The following ZSCAN2 variants were observed in gnomAD, a reference collection of about 807,000 sequenced individuals.
ZSCAN2 encodes the protein zinc finger and SCAN domain containing 2.
ZSCAN2 carries 26 observed loss-of-function variants against 47.8 expected under a neutral mutation model. That is an observed-to-expected ratio of 0.54 (90% CI 0.40 to 0.75). The LOEUF (loss-of-function observed/expected upper bound fraction) is 0.75. Among genes scored for constraint, ZSCAN2 ranks in the 30% least tolerant of loss-of-function variants. ZSCAN2 has a pLI of 0.00. For synonymous variants in ZSCAN2, 305 were observed against 288.7 expected, an observed-to-expected ratio of 1.06 and a Z score of -0.57; for missense variants, 732 against 785.4, an observed-to-expected ratio of 0.93 and a Z score of 0.81.
intron 2 of ZSCAN2, among the ~76,000 whole-genome samples, chr15:84,604,753 T>G (rs1895327280): frequency 6.7e-6 from 1 of 149,994 alleles, no homozygotes; most frequent in South Asian, 2.1e-4. Context: ...TTTTTTTTTT[T>G]TTGAAACGGA....
rs761644924 is a variant in ZSCAN2, at chr15:84,621,769, C to T, written c.1574C>T (p.Thr525Met). 2.4e-5 allele frequency: 38 copies of T among 1,614,096 alleles called. No homozygotes were observed. Among genetic ancestry groups the T allele is most frequent in the East Asian group, 4.5e-5 (2 of 44,894 alleles). ...CTCGTAGTGCACCAGCGGACCCACACGGGCGAGAAGCCCTACAAATGCCTC... is the reference window on the plus strand; with the variant it reads ...CTCGTAGTGCACCAGCGGACCCACATGGGCGAGAAGCCCTACAAATGCCTC... ...SQLVVHQRTH[T>M]GEKPYKCLMC... The change falls in exon 3 of 3, where the codon ACG (threonine) becomes ATG (methionine). Residue 525 changes from threonine (T) to methionine (M), a missense_variant. Around this residue, in one of 2 missense-constraint regions of ZSCAN2, gnomAD observed 412 missense variants for 498.0 expected, o/e 0.83. Transcript: ENST00000546148. The surrounding 1 kb of genome is among the most constrained non-coding windows in gnomAD (Gnocchi z 5.7).
At chr15:84,613,234 A>G (rs1895603257) in intron 2 of ZSCAN2, among the ~76,000 whole-genome samples, 1 of 152,146 alleles carries the variant, frequency 6.6e-6, no homozygotes, top group South Asian at 2.1e-4. Context: ...CTGAACTTAC[A>G]TATCTATTGA....
chr15:84,613,995 T>TTC (rs1895626099), intron 2 of ZSCAN2, among the ~76,000 whole-genome samples: 2 of 131,832 alleles, frequency 1.5e-5, no homozygotes, highest in Admixed American at 7.6e-5. Flanking sequence ...TTTTTTTTTT[T>TTC]TTTTTTTTTT....
At chr15:84,620,524 A>C (rs953097783) in intron 2 of ZSCAN2, 78 bp from the exon 3 acceptor site, 3 of 1,309,868 alleles carry the variant, frequency 2.3e-6, no homozygotes, top group Middle Eastern at 1.9e-4. Context: ...TAATTTTTAT[A>C]AATTTCCCCC....
intron 2 of ZSCAN2, among the ~76,000 whole-genome samples, chr15:84,617,438 AAAAG>A (rs1306514443): frequency 6.6e-6 from 1 of 152,196 alleles, no homozygotes; most frequent in Non-Finnish European, 1.5e-5. Flanking sequence ...TCCAAAAAAA[AAAAG>A]ACTGTCTTGC....
rs200037418 is a variant in ZSCAN2, at chr15:84,621,711, G to A, written c.1516G>A (p.Glu506Lys). 3.5e-4 allele frequency: 569 copies of A among 1,614,138 alleles called. 1 individual carries two copies. The highest frequency in any genetic ancestry group is 1.2e-3 in the Middle Eastern group (7 of 6,062). Reference protein sequence around the residue: ...HTGEKPYKCSECGKCFSQRSQ... With the variant: ...HTGEKPYKCSKCGKCFSQRSQ... ...GGGAGAGAAACCCTACAAATGCAGC[G>A]AGTGTGGGAAATGCTTCAGCCAGCG... is the stretch of plus-strand genomic sequence containing the variant. The change falls in exon 3 of 3, where the codon GAG becomes AAG. Residue 506 changes from glutamate (E) to lysine (K), a missense_variant. Glu to Lys is a moderately conservative substitution (Grantham distance 56). Coordinates refer to ENST00000546148, the MANE Select transcript of ZSCAN2 (RefSeq NM_181877.4). This position sits in a 1 kb window ranked among gnomAD's most constrained non-coding sequence, Gnocchi z 5.7.
intron 2 of ZSCAN2, among the ~76,000 whole-genome samples, chr15:84,607,579 G>T (rs1025140450): frequency 2.6e-5 from 4 of 152,058 alleles, no homozygotes; most frequent in Non-Finnish European, 5.9e-5. Context: ...TGCCATCTGG[G>T]CTCACTGCAA....
At chr15:84,602,946 C>A (rs1895256932) in intron 1 of ZSCAN2, among the ~76,000 whole-genome samples, 2 of 152,204 alleles carry the variant, frequency 1.3e-5, no homozygotes, top group South Asian at 4.1e-4. Context: ...CCATTCCCTG[C>A]TGCTGGATTT....
chr15:84,614,426 A>G (rs116861726), intron 2 of ZSCAN2: 3,690 of 152,188 alleles, frequency 0.024, 65 homozygotes, highest in Non-Finnish European at 0.037. Flanking sequence ...TCCCAACCCC[A>G]GTTTTGGTTA....
At chr15:84,608,833 G>A (rs1406431721) in intron 2 of ZSCAN2, among the ~76,000 whole-genome samples, 1 of 152,176 alleles carries the variant, frequency 6.6e-6, no homozygotes, top group African/African-American at 2.4e-5. Context: ...TGGTCAGTGG[G>A]CCAGCAGCAT....
chr15:84,608,725 G>T (rs1362115735), intron 2 of ZSCAN2, among the ~76,000 whole-genome samples: 1 of 151,972 alleles, frequency 6.6e-6, no homozygotes, highest in Non-Finnish European at 1.5e-5. Flanking sequence ...ATTGGTATGG[G>T]GTATGGCCTG....
intron 2 of ZSCAN2, among the ~76,000 whole-genome samples, chr15:84,618,804 T>C (rs1378153494): frequency 6.6e-6 from 1 of 152,094 alleles, no homozygotes; most frequent in African/African-American, 2.4e-5. Context: ...TCTCAGATAA[T>C]CTACCCACCT....
intron 2 of ZSCAN2, 118 bp downstream of exon 2, chr15:84,604,451 C>T: frequency 7.7e-7 from 1 of 1,304,698 alleles, no homozygotes; most frequent in East Asian, 2.4e-5. Context: ...AGCGCCATCC[C>T]TCTGCTCTGT....
chr15:84,605,633 G>T (rs917637253), intron 2 of ZSCAN2, among the ~76,000 whole-genome samples: 6 of 152,352 alleles, frequency 3.9e-5, no homozygotes, highest in Admixed American at 3.9e-4. Flanking sequence ...TTTTGCCTCA[G>T]TGGGTTCTTG....
At chr15:84,606,631 G>A (rs1895390219) in intron 2 of ZSCAN2, 1 of 1,609,846 alleles carries the variant, frequency 6.2e-7, no homozygotes, top group African/African-American at 1.3e-5. Context: ...GGAGGGCTGA[G>A]GAGAGGCCTC....
intron 2 of ZSCAN2, among the ~76,000 whole-genome samples, chr15:84,607,480 GCT>G (rs1895417562): frequency 6.6e-6 from 1 of 150,748 alleles, no homozygotes; most frequent in Non-Finnish European, 1.5e-5. Context: ...ACCAGATCTT[GCT>G]CTTTCTTGAA....
In ZSCAN2 at chr15:84,621,062, G is replaced by T; in HGVS notation, c.867G>T (p.Arg289=). 3 of 1,614,104 alleles carry T rather than the reference G, an allele frequency of 1.9e-6. No individual in the cohort carries two copies. The highest frequency in any genetic ancestry group is 2.5e-6 in the Non-Finnish European group (3 of 1,180,032). ...GAGACTGTGGGAAGAGCTTTAGCCG[G>T]AGTGCCAACCTCATAACCCACCAGA... is the stretch of plus-strand genomic sequence containing the variant. ...KCRDCGKSFS[R]SANLITHQRI... is the part of the protein sequence containing the mutation. The change falls in exon 3 of 3, where the codon CGG becomes CGT. Residue 289 remains arginine (R), a synonymous_variant. Transcript: ENST00000546148. The surrounding 1 kb of genome is among the most constrained non-coding windows in gnomAD (Gnocchi z 5.7).
At position 84,604,189 on chromosome 15, in the gene ZSCAN2, C is replaced by A; in HGVS notation, c.262C>A (p.Leu88Met). 6.2e-7 allele frequency: 1 copy of A among 1,613,768 alleles called. No individual in the cohort carries two copies. The highest frequency in any genetic ancestry group is 8.5e-7 in the Non-Finnish European group (1 of 1,179,884). Reference sequence around the variant, plus strand: ...CCTCCGAGAGCTCTGCCGGCGCTGGCTGAGACCAGAGGTACACACCAAGGA... The same window carrying A: ...CCTCCGAGAGCTCTGCCGGCGCTGGATGAGACCAGAGGTACACACCAAGGA... ...GRLRELCRRW[L>M]RPEVHTKEQM... The change falls in exon 2 of 3, where the codon CTG (leucine) becomes ATG (methionine). Residue 88 changes from leucine to methionine, a missense_variant. Physicochemically the swap from Leu to Met is conservative, Grantham distance 15. This residue lies in a region of ZSCAN2 where 320 missense variants were observed against 287.4 expected (regional missense o/e 1.11). Coordinates refer to ENST00000546148, the MANE Select transcript of ZSCAN2 (RefSeq NM_181877.4).
chr15:84,623,156 C>G lies in ZSCAN2; in HGVS notation c.*1116C>G, dbSNP rs543858009. On this transcript the variant is annotated 3_prime_UTR_variant, in exon 3 of 3. Coordinates refer to ENST00000546148, the MANE Select transcript of ZSCAN2 (RefSeq NM_181877.4). ...AGGCTGGAGTGCAGTGGTGCCATCT[C>G]AGCTCACTGCAAGCTCCGCCTCCCG... 1 of 156,672 alleles carries G rather than the reference C, an allele frequency of 6.4e-6. No homozygotes were observed. The highest frequency in any genetic ancestry group is 1.8e-4 in the South Asian group (1 of 5,596). 9.7% of individuals were successfully genotyped at this position (156,672 alleles called of 1,614,324 possible). A position where few individuals can be genotyped will look rare whatever the true frequency, so the allele number is the denominator to read the frequency against.
Sources: allele counts gnomAD v4.1 joint callset (sites outside exome capture counted in the v4.1 genomes callset), GRCh38; gene constraint gnomAD v4.1.1; regional missense constraint gnomAD v4.1.1; non-coding constraint Gnocchi (gnomAD v3.1); transcripts MANE v1.5; gene names NCBI Gene and HGNC (gene_info 2026-07-23, HGNC 2026-07-21).